Variants in EYS observed in about 807,000 individuals in gnomAD.
The protein encoded by EYS is EGF-like photoreceptor maintenance factor, also known as protein eyes shut homolog.
Under a neutral mutation model 282.1 loss-of-function variants are expected in EYS, and 250 were observed. That is an observed-to-expected ratio of 0.89 (90% confidence interval 0.80 to 0.98). The LOEUF is 0.98. Among genes scored for constraint, EYS ranks in the 50% least tolerant of loss-of-function variants. The probability of loss-of-function intolerance (pLI) is 0.00; values close to 1 mark genes in which losing one functional copy is unlikely to be tolerated. For missense variants in EYS, 4,016 were observed against 3,709.0 expected (o/e 1.08, Z -2.15); for synonymous variants, 1,355 against 1,282.9 (o/e 1.06, Z -1.20).
chr6:63,772,764 C>CT (rs1260712839), intron 40 of EYS, among the ~76,000 whole-genome samples: 4 of 152,024 alleles, frequency 2.6e-5, no homozygotes, highest in Non-Finnish European at 5.9e-5. Context: ...CAAATAAAAA[C>CT]TGTAAAGCAA....
chr6:64,615,956 T>C (rs1360102901), intron 24 of EYS, among the ~76,000 whole-genome samples: 1 of 152,108 alleles, frequency 6.6e-6, no homozygotes, highest in Non-Finnish European at 1.5e-5. Context: ...GTATTTATCC[T>C]TCAGATTTGA....
At chr6:65,142,669 A>T (rs191562058) in intron 12 of EYS, among the ~76,000 whole-genome samples, 1 of 152,034 alleles carries the variant, frequency 6.6e-6, no homozygotes, top group Admixed American at 6.6e-5. Context: ...AAAAAAAAAA[A>T]ACTAATAAAG....
At chr6:64,800,468 A>G (rs1411229290) in intron 22 of EYS, among the ~76,000 whole-genome samples, 1 of 152,050 alleles carries the variant, frequency 6.6e-6, no homozygotes, top group Non-Finnish European at 1.5e-5. Flanking sequence ...AGCCAAAAGA[A>G]AACATATGCA....
At chr6:63,814,471 G>A (rs956460168) in intron 36 of EYS, among the ~76,000 whole-genome samples, 9 of 152,174 alleles carry the variant, frequency 5.9e-5, no homozygotes, top group Admixed American at 2.6e-4. Flanking sequence ...AATTATTCAC[G>A]TATTCTATAT....
intron 1 of EYS, among the ~76,000 whole-genome samples, chr6:65,663,564 C>A (rs1226436866): frequency 6.6e-6 from 1 of 152,184 alleles, no homozygotes; most frequent in Non-Finnish European, 1.5e-5. Context: ...CAAATGGGTT[C>A]ATTGGCCAAA....
At chr6:64,726,033 C>T (rs932554033) in intron 22 of EYS, among the ~76,000 whole-genome samples, 4 of 152,026 alleles carry the variant, frequency 2.6e-5, no homozygotes, top group African/African-American at 9.7e-5. Flanking sequence ...CAAAAATACC[C>T]CTATTCTTCC....
At chr6:64,550,494 A>G (rs1184175130) in intron 26 of EYS, among the ~76,000 whole-genome samples, 1 of 152,214 alleles carries the variant, frequency 6.6e-6, no homozygotes, top group Non-Finnish European at 1.5e-5. Flanking sequence ...TGACAAATCC[A>G]CAGCCAATAT....
At chr6:65,000,052 T>G (rs919121486) in intron 13 of EYS, among the ~76,000 whole-genome samples, 1 of 152,184 alleles carries the variant, frequency 6.6e-6, no homozygotes, top group Non-Finnish European at 1.5e-5. Flanking sequence ...AAGCCGCCTA[T>G]AGATGGCAAA....
At chr6:64,468,600 C>T (rs978199710) in intron 26 of EYS, among the ~76,000 whole-genome samples, 2 of 152,278 alleles carry the variant, frequency 1.3e-5, no homozygotes, top group African/African-American at 4.8e-5. Flanking sequence ...TATTTGATCA[C>T]ACAGGTAATA....
intron 26 of EYS, among the ~76,000 whole-genome samples, chr6:64,450,369 T>G (rs1404300002): frequency 6.6e-6 from 1 of 152,168 alleles, no homozygotes; most frequent in Non-Finnish European, 1.5e-5. Context: ...AAGTCCTTAG[T>G]TACCTACAAA....
chr6:63,802,268 T>A (rs1000315344), intron 37 of EYS, among the ~76,000 whole-genome samples: 4 of 151,998 alleles, frequency 2.6e-5, no homozygotes, highest in Non-Finnish European at 5.9e-5. Context: ...CTCCTGGAGA[T>A]TTTCAGTAGT....
In EYS at chr6:65,453,244, C is replaced by T. The variant is rs117110330; in HGVS notation, c.862+37350G>A. Among the ~76,000 whole-genome samples the T allele has an allele frequency of 6.8e-4, 103 of 151,926 alleles. 4 individuals are homozygous for T. The East Asian group carries it at 0.017, about 25-fold the overall frequency. On this transcript the variant is annotated intron_variant, in intron 5 of 42. Transcript: ENST00000503581. ...AAGCAAACTGTACTGTCTAATTGCA[C>T]CATGTATAGAGGAGTAGGCTAGGAC...
intron 15 of EYS, among the ~76,000 whole-genome samples, chr6:64,932,977 G>A (rs1314673838): frequency 6.6e-6 from 1 of 152,024 alleles, no homozygotes; most frequent in Non-Finnish European, 1.5e-5. Context: ...TATTTAAAAT[G>A]TCAAGTTACC....
intron 14 of EYS, among the ~76,000 whole-genome samples, chr6:64,961,899 C>T (rs1769933519): frequency 6.6e-6 from 1 of 152,032 alleles, no homozygotes; most frequent in Non-Finnish European, 1.5e-5. Flanking sequence ...TACTCATATA[C>T]TAAAAATTCA....
intron 2 of EYS, among the ~76,000 whole-genome samples, chr6:65,543,863 C>T (rs956419706): frequency 6.6e-6 from 1 of 152,114 alleles, no homozygotes; most frequent in Non-Finnish European, 1.5e-5. Context: ...AATAGTAATT[C>T]GTCAACTTCT....
intron 14 of EYS, among the ~76,000 whole-genome samples, chr6:64,957,496 C>T (rs368576766): frequency 6.6e-6 from 1 of 151,780 alleles, no homozygotes; most frequent in Non-Finnish European, 1.5e-5. Context: ...TTAGGGAGAA[C>T]GAATAAGATC....
intron 12 of EYS, among the ~76,000 whole-genome samples, chr6:65,181,240 CA>C (rs1765374901): frequency 6.6e-6 from 1 of 151,984 alleles, no homozygotes; most frequent in African/African-American, 2.4e-5. Flanking sequence ...TTCTGCACAG[CA>C]AAAGAAACTA....
chr6:64,972,689 A>T (rs1180915683), intron 14 of EYS, among the ~76,000 whole-genome samples: 1 of 152,172 alleles, frequency 6.6e-6, no homozygotes, highest in Non-Finnish European at 1.5e-5. Context: ...AAAACGTGTT[A>T]GTAGACTACA....
At chr6:63,749,406 T>A (rs1769286765) in intron 41 of EYS, among the ~76,000 whole-genome samples, 2 of 152,234 alleles carry the variant, frequency 1.3e-5, no homozygotes, top group Non-Finnish European at 2.9e-5. Context: ...TGTCTGATTA[T>A]GTGGTCAATT....
Sources: gnomAD v4.1 joint callset for allele counts (sites outside exome capture counted in the v4.1 genomes callset) on GRCh38, gnomAD v4.1.1 for gene constraint, MANE v1.5 for transcripts, NCBI Gene and HGNC (gene_info 2026-07-23, HGNC 2026-07-21) for gene names.